DCP1B: variants seen among roughly 807,000 people sequenced by gnomAD.
DCP1B encodes the protein mRNA-decapping enzyme 1B.
DCP1B carries 47 observed loss-of-function variants against 60.5 expected under a neutral mutation model. The observed-to-expected ratio is 0.78, with a 90% confidence interval of 0.61 to 0.99. The LOEUF is 0.99. Ranked by LOEUF, DCP1B falls within the 50% of genes least tolerant of loss-of-function variation. The pLI, the probability that DCP1B is intolerant of heterozygous loss-of-function variation, is 0.00. For missense variants in DCP1B, 725 were observed against 756.8 expected, an observed-to-expected ratio of 0.96 and a Z score of 0.49; for synonymous variants, 267 against 280.3, an observed-to-expected ratio of 0.95 and a Z score of 0.47.
rs147603638 is a variant in DCP1B at position 1,956,387 on chromosome 12, C to T, written c.523-827G>A. On this transcript the variant is annotated intron_variant, in intron 5 of 8. Transcript: ENST00000280665. ...TCCACTGTACAGCCAAGGCCTCAGG[C>T]CCCAAAATATTCCACACCTGACATG... Among the ~76,000 whole-genome samples, 1,369 of 152,302 alleles carry T rather than the reference C, an allele frequency of 9.0e-3. 24 individuals are homozygous for T. The highest frequency in any genetic ancestry group is 0.031 in the African/African-American group (1,304 of 41,566).
intron 3 of DCP1B, among the ~76,000 whole-genome samples, chr12:1,969,856 G>T (rs2031778756): frequency 6.6e-6 from 1 of 152,122 alleles, no homozygotes; most frequent in Non-Finnish European, 1.5e-5. Context: ...AAAACTAGGA[G>T]CCTGGCCTAT....
chr12:1,998,372 T>G (rs1418119435), intron 1 of DCP1B, among the ~76,000 whole-genome samples: 2 of 152,218 alleles, frequency 1.3e-5, no homozygotes, highest in African/African-American at 4.8e-5. Flanking sequence ...TGTCTGCATT[T>G]CACTATCCTT....
At chr12:1,986,585 G>A (rs1050244047) in intron 3 of DCP1B, among the ~76,000 whole-genome samples, 4 of 152,092 alleles carry the variant, frequency 2.6e-5, no homozygotes, top group African/African-American at 9.7e-5. Context: ...CTGGCTTCAC[G>A]GTAGGGGTAG....
In DCP1B at chr12:1,952,341, T is replaced by TTTA. The variant is rs2030706437; in HGVS notation, c.1524+74_1524+75insTAA. The TTTA allele has an allele frequency of 1.1e-4, 25 of 224,692 alleles. No individual in the cohort carries two copies. In the East Asian group the frequency reaches 2.9e-3, roughly 26 times the overall value. The allele number at this position is 224,692 out of a possible 1,614,324, so 13.9% of individuals were successfully genotyped here. A position where few individuals can be genotyped will look rare whatever the true frequency, so the allele number is the denominator to read the frequency against. ...GGCGTGTGACACCAAGCCTGGCTAC[T>TTTA]TTTTTTTTTTTTTTAGGGACAGGAT... On this transcript the variant is annotated intron_variant, in intron 7 of 8. Coordinates refer to ENST00000280665, the MANE Select transcript of DCP1B (RefSeq NM_152640.5).
In DCP1B at chr12:1,946,288, T is replaced by C; in HGVS notation, c.1774-2A>G. 2 of 1,599,030 alleles carry C rather than the reference T, an allele frequency of 1.3e-6. No individual in the cohort carries two copies. The highest frequency in any genetic ancestry group is 1.7e-6 in the Non-Finnish European group (2 of 1,174,472). Reference sequence around the variant, plus strand: ...TATATTTAAGAAGTTGTCATCATTCTGGAAAACAAATCGAAAGACCCAAGA... The same window carrying C: ...TATATTTAAGAAGTTGTCATCATTCCGGAAAACAAATCGAAAGACCCAAGA... On this transcript the variant is annotated splice_acceptor_variant, in intron 8 of 8. Coordinates refer to ENST00000280665, the MANE Select transcript of DCP1B (RefSeq NM_152640.5). LOFTEE classifies it high-confidence loss of function.
chr12:1,970,778 C>A, intron 3 of DCP1B: 1 of 183,392 alleles, frequency 5.5e-6, no homozygotes. Context: ...GCTGAGAGGC[C>A]CATCCCTACA....
chr12:1,997,593 T>C (rs2041245650), intron 2 of DCP1B, among the ~76,000 whole-genome samples: 1 of 152,242 alleles, frequency 6.6e-6, no homozygotes, highest in East Asian at 1.9e-4. Context: ...GTATTTCTGA[T>C]AGTGTTCTTC....
intron 3 of DCP1B, among the ~76,000 whole-genome samples, chr12:1,990,722 A>G (rs902831607): frequency 3.3e-5 from 5 of 152,222 alleles, no homozygotes; most frequent in Admixed American, 1.3e-4. Flanking sequence ...TCTTACAAAA[A>G]CAATCCTGAG....
rs145512534 is a variant in DCP1B at position 1,991,385 on chromosome 12, T to C, written c.319+1879A>G. 1,768 of 300,226 alleles carry C rather than the reference T, an allele frequency of 5.9e-3. 36 individuals carry two copies. The highest frequency in any genetic ancestry group is 0.036 in the African/African-American group (1,628 of 45,694). 18.6% of individuals were successfully genotyped at this position (300,226 alleles called of 1,614,324 possible). On this transcript the variant is annotated intron_variant, in intron 3 of 8. Transcript: ENST00000280665. The stretch of plus-strand genomic sequence containing the variant: ...ATTAAAATAGAACAGTGCCATTCAA[T>C]AGAAATATGAGGGGAACCACGAACG...
chr12:1,995,194 T>C (rs1416983075), intron 2 of DCP1B, among the ~76,000 whole-genome samples: 1 of 151,962 alleles, frequency 6.6e-6, no homozygotes, highest in African/African-American at 2.4e-5. Flanking sequence ...AATATTTGTA[T>C]GATTTGTTCC....
intron 5 of DCP1B, among the ~76,000 whole-genome samples, chr12:1,964,053 A>C (rs1030459548): frequency 6.6e-6 from 1 of 152,210 alleles, no homozygotes; most frequent in African/African-American, 2.4e-5. Flanking sequence ...AGAAAAATTA[A>C]AATGCCAACA....
chr12:1,998,336 A>G (rs2041422722), intron 1 of DCP1B, among the ~76,000 whole-genome samples: 1 of 152,238 alleles, frequency 6.6e-6, no homozygotes, highest in African/African-American at 2.4e-5. Context: ...CACACTGGGT[A>G]TAGAGAAAGC....
intron 1 of DCP1B, 72 bp downstream of exon 1, chr12:2,004,210 A>C (rs746874257): frequency 6.3e-7 from 1 of 1,584,700 alleles, no homozygotes. Flanking sequence ...CCGGGTCCTC[A>C]AGTCCTGAGT....
chr12:2,003,241 G>T (rs544038740), intron 1 of DCP1B, among the ~76,000 whole-genome samples: 2 of 152,046 alleles, frequency 1.3e-5, no homozygotes, highest in African/African-American at 2.4e-5. Flanking sequence ...ATGAATGTGG[G>T]TGTTAAAAAA....
At chr12:2,000,616 A>C (rs113363553) in intron 1 of DCP1B, among the ~76,000 whole-genome samples, 4,201 of 152,358 alleles carry the variant, frequency 0.028, 97 homozygotes, top group Middle Eastern at 0.058. Context: ...ACACACAAAG[A>C]ATATGAGTTT....
At chr12:1,998,102 G>T in intron 1 of DCP1B, 127 bp from the exon 2 acceptor site, 1 of 702,144 alleles carries the variant, frequency 1.4e-6, no homozygotes, top group Non-Finnish European at 2.3e-6. Flanking sequence ...AACATGAGGA[G>T]TTATTCTCAG....
intron 3 of DCP1B, among the ~76,000 whole-genome samples, chr12:1,984,151 A>G (rs1284695952): frequency 2.0e-5 from 3 of 152,050 alleles, no homozygotes; most frequent in Admixed American, 1.3e-4. Context: ...TGTAGAAAGC[A>G]TATAGTTAGG....
chr12:1,964,809 C>G (rs112226835), intron 5 of DCP1B, among the ~76,000 whole-genome samples: 1 of 152,184 alleles, frequency 6.6e-6, no homozygotes, highest in African/African-American at 2.4e-5. Context: ...TCAATACCAT[C>G]AACACCATAC....
At chr12:1,964,912 A>G (rs575555199) in intron 5 of DCP1B, among the ~76,000 whole-genome samples, 20 of 151,592 alleles carry the variant, frequency 1.3e-4, no homozygotes, top group African/African-American at 4.6e-4. Flanking sequence ...TACTAATATC[A>G]CACTTCTTTG....
Sources: gnomAD v4.1 joint callset for allele counts (sites outside exome capture counted in the v4.1 genomes callset) on GRCh38, gnomAD v4.1.1 for gene constraint, MANE v1.5 for transcripts, NCBI Gene and HGNC (gene_info 2026-07-23, HGNC 2026-07-21) for gene names.